TAOK1: variants seen among roughly 807,000 people sequenced by gnomAD.
The protein encoded by TAOK1 is serine/threonine-protein kinase TAO1.
TAOK1 carries 21 observed loss-of-function variants against 138.3 expected under a neutral mutation model. The ratio of observed to expected loss-of-function variants is 0.15; its 90% CI spans 0.11 to 0.22. The LOEUF is 0.22. Ranked by LOEUF, TAOK1 falls within the 10% of genes least tolerant of loss-of-function variation. The pLI, the probability that TAOK1 is intolerant of heterozygous loss-of-function variation, is 1.00. For synonymous variants in TAOK1, 361 were observed against 398.4 expected (o/e 0.91, Z 1.12); for missense variants, 651 against 1,227.7 (o/e 0.53, Z 7.02).
chr17:29,414,012 A>G (rs1905209327), intron 1 of TAOK1, among the ~76,000 whole-genome samples: 1 of 147,570 alleles, frequency 6.8e-6, no homozygotes, highest in African/African-American at 2.5e-5. Flanking sequence ...CCTCCCTAGT[A>G]GCTGGGACTA....
intron 6 of TAOK1, among the ~76,000 whole-genome samples, chr17:29,479,020 G>A (rs1458799761): frequency 6.6e-6 from 1 of 152,078 alleles, no homozygotes; most frequent in Admixed American, 6.6e-5. Flanking sequence ...AGCTACTCGT[G>A]AGGCTGAGAG....
chr17:29,499,098 A>G (rs1180791643), intron 12 of TAOK1, among the ~76,000 whole-genome samples: 1 of 152,168 alleles, frequency 6.6e-6, no homozygotes, highest in Non-Finnish European at 1.5e-5. Context: ...GACATTATTT[A>G]CATGAAAAAT....
intron 1 of TAOK1, among the ~76,000 whole-genome samples, chr17:29,420,247 G>C (rs749540858): frequency 6.6e-6 from 1 of 151,700 alleles, no homozygotes; most frequent in East Asian, 1.9e-4. Flanking sequence ...TCTGCATGTT[G>C]CCCAGGCTGG....
intron 1 of TAOK1, among the ~76,000 whole-genome samples, chr17:29,407,179 G>T (rs1905016608): frequency 6.6e-6 from 1 of 152,000 alleles, no homozygotes; most frequent in Admixed American, 6.6e-5. Context: ...CAGGAATGGG[G>T]ACTTGCTGTG....
At chr17:29,458,196 T>G (rs1197467233) in intron 2 of TAOK1, among the ~76,000 whole-genome samples, 1 of 152,204 alleles carries the variant, frequency 6.6e-6, no homozygotes, top group African/African-American at 2.4e-5. Context: ...AGCTTTACTG[T>G]TTACGGTTTC....
chr17:29,450,172 G>A (rs1160292283), intron 1 of TAOK1, among the ~76,000 whole-genome samples: 4 of 151,246 alleles, frequency 2.6e-5, no homozygotes, highest in African/African-American at 9.7e-5. Flanking sequence ...CTGTAACCTC[G>A]AACCTCTGGG....
intron 18 of TAOK1, among the ~76,000 whole-genome samples, chr17:29,532,853 C>T (rs1294375495): frequency 2.0e-5 from 3 of 151,976 alleles, no homozygotes; most frequent in African/African-American, 7.2e-5. Flanking sequence ...TCTCAATGAG[C>T]TGTTGGGTAC....
At chr17:29,447,306 C>G (rs983677156) in intron 1 of TAOK1, among the ~76,000 whole-genome samples, 3 of 152,048 alleles carry the variant, frequency 2.0e-5, no homozygotes, top group African/African-American at 7.2e-5. Context: ...AGGATATTAA[C>G]TCTTATGTAA....
intron 9 of TAOK1, among the ~76,000 whole-genome samples, chr17:29,490,080 A>C (rs2031268276): frequency 6.6e-6 from 1 of 152,038 alleles, no homozygotes; most frequent in African/African-American, 2.4e-5. Flanking sequence ...TTTAAGCATT[A>C]ATATTTTATA....
intron 1 of TAOK1, among the ~76,000 whole-genome samples, chr17:29,409,333 A>ATATATTTTT (rs1348702470): frequency 1.2e-4 from 7 of 59,034 alleles, no homozygotes; most frequent in African/African-American, 4.7e-4. Flanking sequence ...ATATATATAT[A>ATATATTTTT]TTTTTTTTTT....
At chr17:29,472,434 G>A (rs1463897976) in intron 3 of TAOK1, among the ~76,000 whole-genome samples, 2 of 151,880 alleles carry the variant, frequency 1.3e-5, no homozygotes, top group African/African-American at 2.4e-5. Context: ...TGTATTATTA[G>A]TAGAGACAGG....
At chr17:29,472,574 T>TTC (rs751424936) in intron 3 of TAOK1, among the ~76,000 whole-genome samples, 2 of 34,436 alleles carry the variant, frequency 5.8e-5, no homozygotes, top group Non-Finnish European at 8.7e-5. Flanking sequence ...TCTTTCTTTC[T>TTC]TTTTTTTTTT....
At chr17:29,443,006 GTGTT>G (rs2029984908) in intron 1 of TAOK1, among the ~76,000 whole-genome samples, 1 of 152,168 alleles carries the variant, frequency 6.6e-6, no homozygotes, top group African/African-American at 2.4e-5. Flanking sequence ...ATATGTGTGT[GTGTT>G]TGTGTGTGTC....
chr17:29,527,440 C>T (rs1321877869), intron 17 of TAOK1, among the ~76,000 whole-genome samples: 3 of 152,090 alleles, frequency 2.0e-5, no homozygotes, highest in African/African-American at 7.2e-5. Context: ...ACTCCAGAGC[C>T]TGGACAACAG....
chr17:29,441,459 A>G (rs140657044), intron 1 of TAOK1, among the ~76,000 whole-genome samples: 1 of 152,312 alleles, frequency 6.6e-6, no homozygotes, highest in East Asian at 1.9e-4. Flanking sequence ...ATCTAGGTCA[A>G]TTTAGTCTGT....
intron 2 of TAOK1, among the ~76,000 whole-genome samples, chr17:29,463,525 T>A (rs1019595698): frequency 6.6e-5 from 10 of 150,512 alleles, no homozygotes; most frequent in African/African-American, 2.5e-5. Flanking sequence ...GAGCCGAGAT[T>A]GCGCCACCGC....
chr17:29,468,988 T>C (rs1394960065), intron 3 of TAOK1, among the ~76,000 whole-genome samples: 1 of 152,308 alleles, frequency 6.6e-6, no homozygotes, highest in Non-Finnish European at 1.5e-5. Context: ...TAATGCTACA[T>C]TGAATGTACT....
In TAOK1 at chr17:29,451,700, T is replaced by C; in HGVS notation, c.132+20T>C. 1 of 1,603,872 alleles carries C rather than the reference T, an allele frequency of 6.2e-7. No homozygotes were observed. The highest frequency in any genetic ancestry group is 8.5e-7 in the Non-Finnish European group (1 of 1,176,208). On this transcript the variant is annotated intron_variant, in intron 2 of 19. Transcript: ENST00000261716. ...TATTTTGTAAGTGTTAGTGGCTTGA[T>C]GTCAGTGACTAAAATTTACTTAATG... is the stretch of plus-strand genomic sequence containing the variant.
At position 29,525,501 on chromosome 17, in the gene TAOK1, A is replaced by T. The variant is rs1388022610; in HGVS notation, c.2148+2982A>T. ...CTCACTGCAACCTCTGCCTCCCAGGATCAAGCGATTCTCATGCCTCAGCCT... is the reference window on the plus strand; with the variant it reads ...CTCACTGCAACCTCTGCCTCCCAGGTTCAAGCGATTCTCATGCCTCAGCCT... On this transcript the variant is annotated intron_variant, in intron 17 of 19. Transcript: ENST00000261716. Among the ~76,000 whole-genome samples, 3 of 150,466 alleles carry T rather than the reference A, an allele frequency of 2.0e-5. No homozygotes were observed. The East Asian group carries it at 6.0e-4, about 30-fold the overall frequency.
Sources: gnomAD v4.1 joint callset for allele counts (sites outside exome capture counted in the v4.1 genomes callset) on GRCh38, gnomAD v4.1.1 for gene constraint, MANE v1.5 for transcripts, NCBI Gene and HGNC (gene_info 2026-07-23, HGNC 2026-07-21) for gene names.